Variants in SPRR2D observed in about 807,000 individuals in gnomAD.
The protein encoded by SPRR2D is small proline-rich protein 2D.
For synonymous variants in SPRR2D, 43 were observed against 32.8 expected (o/e 1.31, Z -1.06); for missense variants, 81 against 87.2 (o/e 0.93, Z 0.28).
intron 1 of SPRR2D, 153 bp from the exon 2 acceptor site, chr1:153,040,518 C>T (rs1263677579): frequency 1.9e-5 from 25 of 1,319,514 alleles, no homozygotes; most frequent in Non-Finnish European, 2.5e-5. Context: ...TTTCTCCCTT[C>T]CACTTTAGCA....
In SPRR2D at chr1:153,039,773, A is replaced by G. The variant is rs1239091214; in HGVS notation, c.*355T>C. 4 of 421,014 alleles carry G rather than the reference A, an allele frequency of 9.5e-6. No homozygotes were observed. The highest frequency in any genetic ancestry group is 8.4e-6 in the Non-Finnish European group (2 of 238,802). The allele number at this position is 421,014 out of a possible 1,614,324, so 26.1% of individuals were successfully genotyped here. On this transcript the variant is annotated 3_prime_UTR_variant, in exon 2 of 2. Coordinates refer to ENST00000360379, the MANE Select transcript of SPRR2D (RefSeq NM_006945.5). ...TTATTCAGGGAGTGAAAGATAAATG[A>G]CAATTGCAAAGGTGGTAGAAGCTCA...
chr1:153,040,305 T>C lies in SPRR2D; in HGVS notation c.42A>G (p.Pro14=), dbSNP rs1653956286. 3 of 1,611,998 alleles carry C rather than the reference T, an allele frequency of 1.9e-6. No individual in the cohort carries two copies. The highest frequency in any genetic ancestry group is 2.7e-5 in the African/African-American group (2 of 74,872). The change falls in exon 2 of 2, where the codon CCA becomes CCG. Residue 14 remains proline (P), a synonymous_variant. Coordinates refer to ENST00000360379, the MANE Select transcript of SPRR2D (RefSeq NM_006945.5). ...QQQQCKQPCQ[P]PPVCPTPKCP... ...ACTTTGGCGTGGGGCACACAGGAGG[T>C]GGCTGGCAGGGCTGCTTGCACTGCT...
rs41263690 is a variant in SPRR2D at position 153,040,087 on chromosome 1, T to A, written c.*41A>T. The A allele has an allele frequency of 5.0e-6, 8 of 1,592,672 alleles. No individual in the cohort carries two copies. Among genetic ancestry groups the A allele is most frequent in the East Asian group, 2.2e-5 (1 of 44,706 alleles). ...GGAGCTGTGGAACGAGGTGAGCCAATTATCCTTATCCTCTCATGCTCCTGA... is the reference window on the plus strand; with the variant it reads ...GGAGCTGTGGAACGAGGTGAGCCAAATATCCTTATCCTCTCATGCTCCTGA... On this transcript the variant is annotated 3_prime_UTR_variant, in exon 2 of 2. Coordinates refer to ENST00000360379, the MANE Select transcript of SPRR2D (RefSeq NM_006945.5).
Position 153,039,804 on chromosome 1 carries a change from A to G in SPRR2D, c.*324T>C. 1 of 468,074 alleles carries G rather than the reference A, an allele frequency of 2.1e-6. No individual in the cohort carries two copies. The highest frequency in any genetic ancestry group is 3.7e-6 in the Non-Finnish European group (1 of 269,056). 29.0% of individuals were successfully genotyped at this position (468,074 alleles called of 1,614,324 possible). A position where few individuals can be genotyped will look rare whatever the true frequency, so the allele number is the denominator to read the frequency against. Reference sequence around the variant, plus strand: ...GCAAAGGTGGTAGAAGCTCATGACCAGGTGACAGACAGACACAGAACACAT... The same window carrying G: ...GCAAAGGTGGTAGAAGCTCATGACCGGGTGACAGACAGACACAGAACACAT... On this transcript the variant is annotated 3_prime_UTR_variant, in exon 2 of 2. Coordinates refer to ENST00000360379, the MANE Select transcript of SPRR2D (RefSeq NM_006945.5).
rs1653933038 is a variant in SPRR2D at position 153,039,818 on chromosome 1, CA to C, written c.*309del. 1.9e-6 allele frequency: 1 copy of C among 531,980 alleles called. No homozygotes were observed. The highest frequency in any genetic ancestry group is 1.9e-5 in the African/African-American group (1 of 52,832). The allele number at this position is 531,980 out of a possible 1,614,324, so 33.0% of individuals were successfully genotyped here. ...AGCTCATGACCAGGTGACAGACAGACACAGAACACATCAACAGAATTGTCTG... is the reference window on the plus strand; with the variant it reads ...AGCTCATGACCAGGTGACAGACAGACCAGAACACATCAACAGAATTGTCTG... On this transcript the variant is annotated 3_prime_UTR_variant, in exon 2 of 2. Transcript: ENST00000360379.
chr1:153,040,507 G>A (rs746370165), intron 1 of SPRR2D, 142 bp from the exon 2 acceptor site: 136 of 1,391,986 alleles, frequency 9.8e-5, no homozygotes, highest in Non-Finnish European at 1.1e-4. Context: ...AGACTACTTC[G>A]TTTCTCCCTT....
chr1:153,040,415 G>A, intron 1 of SPRR2D, 50 bp from the exon 2 acceptor site: 3 of 1,605,972 alleles, frequency 1.9e-6, no homozygotes, highest in South Asian at 1.1e-5. Context: ...CCTCCAGAGA[G>A]AGAAGCTAAT....
rs1344804571 is a variant in SPRR2D, at chr1:153,040,027, G to A, written c.*101C>T. On this transcript the variant is annotated 3_prime_UTR_variant, in exon 2 of 2. Coordinates refer to ENST00000360379, the MANE Select transcript of SPRR2D (RefSeq NM_006945.5). ...GGTTAAGGAGAAAGAAGCTCCCTGT[G>A]CATCCATGGAAGGCTTTGGTGAGAA... The A allele has an allele frequency of 1.3e-6, 2 of 1,536,608 alleles. No homozygotes were observed. The highest frequency in any genetic ancestry group is 2.3e-5 in the East Asian group (1 of 44,226).
At position 153,040,166 on chromosome 1, in the gene SPRR2D, G is replaced by A. The variant is rs765476998; in HGVS notation, c.181C>T (p.Pro61Ser). Residue 61 changes from proline (P) to serine (S), a missense_variant, in exon 2 of 2, where the codon CCA (proline) becomes TCA (serine). By Grantham distance (74) the Pro-to-Ser change is moderately conservative. Coordinates refer to ENST00000360379, the MANE Select transcript of SPRR2D (RefSeq NM_006945.5). ...QQKYPPVTPS[P>S]PCQPKCPPKS... The stretch of plus-strand genomic sequence containing the variant: ...GGTGGACACTTTGGCTGGCAGGGTG[G>A]GGAAGGTGTCACAGGAGGATATTTC... 1 of 1,613,072 alleles carries A rather than the reference G, an allele frequency of 6.2e-7. No individual in the cohort carries two copies. Among genetic ancestry groups the A allele is most frequent in the South Asian group, 1.1e-5 (1 of 91,034 alleles).
intron 1 of SPRR2D, chr1:153,040,809 A>G (rs1653969841): frequency 5.5e-6 from 1 of 183,428 alleles, no homozygotes; most frequent in African/African-American, 2.4e-5. Context: ...TGAAAAAGAC[A>G]CCAGGAAAAC....
intron 1 of SPRR2D, chr1:153,040,698 C>CCT: frequency 7.3e-6 from 3 of 413,498 alleles, no homozygotes; most frequent in Non-Finnish European, 1.3e-5. Context: ...TTTCTCTTAT[C>CCT]ATTATCTGTA....
At position 153,040,054 on chromosome 1, in the gene SPRR2D, A is replaced by G. The variant is rs777231440; in HGVS notation, c.*74T>C. ...ATCCATGGAAGGCTTTGGTGAGAAG[A>G]TGCAAGTGGAGCTGTGGAACGAGGT... On this transcript the variant is annotated 3_prime_UTR_variant, in exon 2 of 2. Transcript: ENST00000360379. 1.7e-5 allele frequency: 26 copies of G among 1,563,546 alleles called. No individual in the cohort carries two copies. The highest frequency in any genetic ancestry group is 2.1e-5 in the Non-Finnish European group (24 of 1,153,464).
chr1:153,039,848 G>C lies in SPRR2D; in HGVS notation c.*280C>G. Reference sequence around the variant, plus strand: ...AACACATCAACAGAATTGTCTGATGGTTCCCAGGGAGAGAGCTGCTGCTCT... The same window carrying C: ...AACACATCAACAGAATTGTCTGATGCTTCCCAGGGAGAGAGCTGCTGCTCT... On this transcript the variant is annotated 3_prime_UTR_variant, in exon 2 of 2. Coordinates refer to ENST00000360379, the MANE Select transcript of SPRR2D (RefSeq NM_006945.5). 1.7e-6 allele frequency: 1 copy of C among 597,184 alleles called. No homozygotes were observed. The highest frequency in any genetic ancestry group is 2.9e-6 in the Non-Finnish European group (1 of 349,890). 37.0% of individuals were successfully genotyped at this position (597,184 alleles called of 1,614,324 possible).
chr1:153,041,026 A>G (rs911854443), intron 1 of SPRR2D, 52 bp downstream of exon 1: 4 of 155,364 alleles, frequency 2.6e-5, no homozygotes, highest in Admixed American at 1.9e-4. Flanking sequence ...TTCAGATTAA[A>G]TTCAATATTT....
chr1:153,040,635 T>C (rs749501209), intron 1 of SPRR2D: 1 of 594,904 alleles, frequency 1.7e-6, no homozygotes, highest in African/African-American at 1.9e-5. Context: ...GAAAATAACA[T>C]CTTTAGGAAA....
In SPRR2D at chr1:153,039,881, GAAGCT is replaced by G; in HGVS notation, c.*242_*246del. On this transcript the variant is annotated 3_prime_UTR_variant, in exon 2 of 2. Coordinates refer to ENST00000360379, the MANE Select transcript of SPRR2D (RefSeq NM_006945.5). ...GGAGAGAGCTGCTGCTCTTTCTTCCGAAGCTCTGGGAGCTGGCACAGCTGAGGACT... is the reference window on the plus strand; with the variant it reads ...GGAGAGAGCTGCTGCTCTTTCTTCCGCTGGGAGCTGGCACAGCTGAGGACT... 1 of 714,276 alleles carries G rather than the reference GAAGCT, an allele frequency of 1.4e-6. No individual in the cohort carries two copies. 44.2% of individuals were successfully genotyped at this position (714,276 alleles called of 1,614,324 possible).
chr1:153,039,735 A>G lies in SPRR2D; in HGVS notation c.*393T>C. On this transcript the variant is annotated 3_prime_UTR_variant, in exon 2 of 2. Transcript: ENST00000360379. ...ACAAAAGATCCATTCACAAATATAT[A>G]TGCATAGATACTTTATTCAGGGAGT... The G allele has an allele frequency of 2.9e-6, 1 of 348,228 alleles. No individual in the cohort carries two copies. The highest frequency in any genetic ancestry group is 5.2e-6 in the Non-Finnish European group (1 of 193,890). 21.6% of individuals were successfully genotyped at this position (348,228 alleles called of 1,614,324 possible).
chr1:153,040,699 A>G (rs572659452), intron 1 of SPRR2D: 2 of 391,542 alleles, frequency 5.1e-6, no homozygotes, highest in East Asian at 1.1e-4. Context: ...TTCTCTTATC[A>G]TTATCTGTAG....
Position 153,040,265 on chromosome 1 carries a change from G to T in SPRR2D, c.82C>A (p.Pro28Thr), listed in dbSNP as rs747694219. 3.7e-6 allele frequency: 6 copies of T among 1,612,538 alleles called. No individual in the cohort carries two copies. The highest frequency in any genetic ancestry group is 5.1e-6 in the Non-Finnish European group (6 of 1,179,850). Residue 28 changes from proline (P) to threonine (T), a missense_variant, in exon 2 of 2, where the codon CCA becomes ACA. Physicochemically the swap from Pro to Thr is conservative, Grantham distance 38. Transcript: ENST00000360379. The part of the protein sequence containing the change: ...CPTPKCPEPC[P>T]PPKCPEPCPS... ...CAGGGCTCAGGGCACTTCGGGGGTGGACATGGCTCTGGGCACTTTGGCGTG... is the reference window on the plus strand; with the variant it reads ...CAGGGCTCAGGGCACTTCGGGGGTGTACATGGCTCTGGGCACTTTGGCGTG...
Sources: gnomAD v4.1 joint callset for allele counts on GRCh38, gnomAD v4.1.1 for gene constraint, MANE v1.5 for transcripts, NCBI Gene and HGNC (gene_info 2026-07-23, HGNC 2026-07-21) for gene names.